Variants in OSMR observed in about 807,000 individuals in gnomAD.
OSMR encodes oncostatin-M-specific receptor subunit beta.
In OSMR, 81 loss-of-function variants were observed where a neutral mutation model predicts 99.9. The ratio of observed to expected loss-of-function variants is 0.81; its 90% CI spans 0.68 to 0.97. The LOEUF (loss-of-function observed/expected upper bound fraction) is 0.97. Ranked by LOEUF, OSMR falls within the 50% of genes least tolerant of loss-of-function variation. The probability of loss-of-function intolerance (pLI) is 0.00; values close to 1 mark genes in which losing one functional copy is unlikely to be tolerated. For missense variants in OSMR, 1,099 were observed against 1,153.4 expected (o/e 0.95, Z 0.68); for synonymous variants, 406 against 410.4 (o/e 0.99, Z 0.13).
At chr5:38,924,388 A>G in intron 13 of OSMR, 34 bp from the exon 14 acceptor site, 1 of 1,613,840 alleles carries the variant, frequency 6.2e-7, no homozygotes, top group South Asian at 1.1e-5. Context: ...TTTCCAAATC[A>G]TGACTTTTCT....
intron 10 of OSMR, among the ~76,000 whole-genome samples, chr5:38,918,165 G>T (rs1227721239): frequency 6.6e-6 from 1 of 151,638 alleles, no homozygotes; most frequent in Non-Finnish European, 1.5e-5. Flanking sequence ...CTTTAGTTTG[G>T]CACACTCCGC....
At chr5:38,888,375 T>A (rs977269928) in intron 7 of OSMR, among the ~76,000 whole-genome samples, 1 of 151,274 alleles carries the variant, frequency 6.6e-6, no homozygotes, top group Non-Finnish European at 1.5e-5. Flanking sequence ...GTGGACCCAG[T>A]TTGTTTCTAA....
intron 10 of OSMR, 130 bp downstream of exon 10, chr5:38,917,752 A>C: frequency 1.4e-6 from 1 of 717,358 alleles, no homozygotes; most frequent in Non-Finnish European, 2.5e-6. Flanking sequence ...CATTCATCCA[A>C]TAGAATTTCT....
intron 4 of OSMR, among the ~76,000 whole-genome samples, chr5:38,883,001 G>C (rs780792730): frequency 1.3e-5 from 2 of 152,130 alleles, no homozygotes; most frequent in African/African-American, 2.4e-5. Context: ...ACATACACAG[G>C]GAAAGAAAAG....
chr5:38,847,506 G>C (rs563945201), intron 1 of OSMR, among the ~76,000 whole-genome samples: 59 of 152,222 alleles, frequency 3.9e-4, no homozygotes, highest in Middle Eastern at 3.4e-3. Flanking sequence ...AAGACTGGGT[G>C]GGGTGTTTCA....
At chr5:38,922,124 C>T (rs997618881) in intron 12 of OSMR, among the ~76,000 whole-genome samples, 1 of 152,150 alleles carries the variant, frequency 6.6e-6, no homozygotes, top group Non-Finnish European at 1.5e-5. Context: ...GACTTGCATC[C>T]ATTTGGAAGA....
At chr5:38,861,990 T>C (rs1579639419) in intron 1 of OSMR, among the ~76,000 whole-genome samples, 1 of 105,212 alleles carries the variant, frequency 9.5e-6, no homozygotes, top group Non-Finnish European at 1.9e-5. Context: ...CTCACCTCCC[T>C]CCCGGACGGG....
At chr5:38,888,718 C>G (rs1165327823) in intron 7 of OSMR, among the ~76,000 whole-genome samples, 2 of 152,090 alleles carry the variant, frequency 1.3e-5, no homozygotes, top group Non-Finnish European at 2.9e-5. Flanking sequence ...TACATCATCT[C>G]CCTTTTAAAT....
chr5:38,942,739 A>G, intron 1 of OSMR: 1 of 1,005,754 alleles, frequency 9.9e-7, no homozygotes, highest in Non-Finnish European at 1.5e-6. Context: ...TGTAGGCATG[A>G]GTCACCACAC....
chr5:38,869,062 C>G lies in OSMR; in HGVS notation c.18C>G (p.Val6=), dbSNP rs1400916430. The change falls in exon 2 of 18, where the codon GTC becomes GTG. Residue 6 remains valine, a synonymous_variant. Coordinates refer to ENST00000274276, the MANE Select transcript of OSMR (RefSeq NM_003999.3). MALFA[V]FQTTFFLTLL... ...CAGAACTGATGGCTCTATTTGCAGT[C>G]TTTCAGACAACATTCTTCTTAACAT... 2 of 1,613,686 alleles carry G rather than the reference C, an allele frequency of 1.2e-6. No homozygotes were observed.
chr5:38,927,767 A>G (rs1746537281), intron 15 of OSMR, among the ~76,000 whole-genome samples: 1 of 152,172 alleles, frequency 6.6e-6, no homozygotes, highest in African/African-American at 2.4e-5. Flanking sequence ...TGCATTATTT[A>G]TGCATATTTC....
rs1742794069 is a variant in OSMR at position 38,875,957 on chromosome 5, A to G, written c.74-244A>G. 5 of 158,698 alleles carry G rather than the reference A, an allele frequency of 3.2e-5. No homozygotes were observed. In the Admixed American group the frequency reaches 3.3e-4, roughly 10 times the overall value. The allele number at this position is 158,698 out of a possible 1,614,324, so 9.8% of individuals were successfully genotyped here. On this transcript the variant is annotated intron_variant, in intron 2 of 17. Coordinates refer to ENST00000274276, the MANE Select transcript of OSMR (RefSeq NM_003999.3). ...ATCCTTCTGTTTTGTTTACCTGTTT[A>G]TCAATGTATGAGCTTGCTGTGTATT...
Position 38,933,610 on chromosome 5 carries a change from C to CTTA in OSMR, c.*167_*169dup. 5.7e-6 allele frequency: 4 copies of CTTA among 702,218 alleles called. No homozygotes were observed. In the South Asian group the frequency reaches 6.9e-5, roughly 12 times the overall value. 43.5% of individuals were successfully genotyped at this position (702,218 alleles called of 1,614,324 possible). On this transcript the variant is annotated 3_prime_UTR_variant, in exon 18 of 18. Transcript: ENST00000274276. ...AGGTTAAAGGCCAGAGGCTATGGAA[C>CTTA]TTAACACTCCCCATTGGAGCAAGCT...
At chr5:38,889,472 T>C in intron 7 of OSMR, among the ~76,000 whole-genome samples, 1 of 152,196 alleles carries the variant, frequency 6.6e-6, no homozygotes. Context: ...GTCTTCAATT[T>C]TGAATTTATT....
intron 2 of OSMR, 92 bp from the exon 3 acceptor site, chr5:38,876,109 T>C: frequency 6.4e-7 from 1 of 1,551,122 alleles, no homozygotes; most frequent in Non-Finnish European, 8.8e-7. Flanking sequence ...TTTCCAGAGC[T>C]AAATAATGAT....
At chr5:38,907,976 C>T (rs1016644105) in intron 9 of OSMR, among the ~76,000 whole-genome samples, 1 of 152,066 alleles carries the variant, frequency 6.6e-6, no homozygotes, top group Non-Finnish European at 1.5e-5. Flanking sequence ...TGCATGGACA[C>T]CAGCAGCCCC....
chr5:38,929,076 TA>T (rs908467684), intron 15 of OSMR, among the ~76,000 whole-genome samples: 1 of 151,900 alleles, frequency 6.6e-6, no homozygotes. Flanking sequence ...TTACTTTTTT[TA>T]AAAAAAATAG....
At chr5:38,853,044 T>G (rs1740550145) in intron 1 of OSMR, among the ~76,000 whole-genome samples, 1 of 152,194 alleles carries the variant, frequency 6.6e-6, no homozygotes, top group South Asian at 2.1e-4. Context: ...TTGTTTTCAT[T>G]TAAAGCACTA....
intron 13 of OSMR, among the ~76,000 whole-genome samples, chr5:38,924,110 T>C (rs1379645953): frequency 6.6e-6 from 1 of 152,162 alleles, no homozygotes; most frequent in Non-Finnish European, 1.5e-5. Context: ...GAATTAAGTC[T>C]CCTTTTTTTT....
Sources: allele counts gnomAD v4.1 joint callset (sites outside exome capture counted in the v4.1 genomes callset), GRCh38; gene constraint gnomAD v4.1.1; transcripts MANE v1.5; gene names NCBI Gene and HGNC (gene_info 2026-07-23, HGNC 2026-07-21).